OTUD4: variants seen among roughly 807,000 people sequenced by gnomAD.
The protein encoded by OTUD4 is OTU domain-containing protein 4.
OTUD4 carries 24 observed loss-of-function variants against 130.4 expected under a neutral mutation model. The ratio of observed to expected loss-of-function variants is 0.18; its 90% CI spans 0.13 to 0.26. The LOEUF is 0.26. Among genes scored for constraint, OTUD4 ranks in the 10% least tolerant of loss-of-function variants. The probability of loss-of-function intolerance (pLI) is 1.00; values close to 1 mark genes in which losing one functional copy is unlikely to be tolerated. For synonymous variants in OTUD4, 420 were observed against 472.5 expected, an observed-to-expected ratio of 0.89 and a Z score of 1.44; for missense variants, 1,031 against 1,329.4, an observed-to-expected ratio of 0.78 and a Z score of 3.49.
chr4:145,159,020 T>G (rs1165756616), intron 7 of OTUD4: 3 of 261,998 alleles, frequency 1.1e-5, no homozygotes, highest in Non-Finnish European at 1.8e-5. Flanking sequence ...TTCAGACATA[T>G]TTACTCACAA....
intron 1 of OTUD4, among the ~76,000 whole-genome samples, chr4:145,178,919 A>G: frequency 6.6e-6 from 1 of 152,198 alleles, no homozygotes; most frequent in Admixed American, 6.5e-5. Context: ...TCCTAGGTCA[A>G]AGGAAAGCAC....
chr4:145,163,362 T>G (rs933669189), intron 5 of OTUD4, among the ~76,000 whole-genome samples: 1 of 152,204 alleles, frequency 6.6e-6, no homozygotes, highest in African/African-American at 2.4e-5. Context: ...TCTCTTATAA[T>G]AAGTCAGTTG....
At chr4:145,178,921 G>A (rs1302416302) in intron 1 of OTUD4, among the ~76,000 whole-genome samples, 1 of 152,176 alleles carries the variant, frequency 6.6e-6, no homozygotes. Context: ...CTAGGTCAAA[G>A]GAAAGCACAT....
At chr4:145,161,111 AAACAACAAC>A (rs70956827) in intron 6 of OTUD4, among the ~76,000 whole-genome samples, 319 of 150,810 alleles carry the variant, frequency 2.1e-3, no homozygotes, top group Middle Eastern at 6.8e-3. Context: ...CTCCACCTCA[AAACAACAAC>A]AACAACAACA....
At chr4:145,159,394 A>T in intron 7 of OTUD4, 109 bp downstream of exon 7, 2 of 1,576,794 alleles carry the variant, frequency 1.3e-6, no homozygotes, top group Non-Finnish European at 1.7e-6. Flanking sequence ...TATGAATACC[A>T]TTAATACCTC....
intron 13 of OTUD4, 35 bp from the exon 14 acceptor site, chr4:145,146,464 A>G (rs747816197): frequency 9.9e-7 from 1 of 1,005,522 alleles, no homozygotes; most frequent in Non-Finnish European, 1.4e-6. Context: ...GAAAATACAT[A>G]AATAAATAAA....
chr4:145,144,094 T>C (rs1750710817), intron 15 of OTUD4, 93 bp from the exon 16 acceptor site: 2 of 1,161,424 alleles, frequency 1.7e-6, no homozygotes, highest in Admixed American at 3.9e-5. Context: ...AAGCCAAAAG[T>C]ATTATTTGAA....
At chr4:145,140,606 G>A (rs933961698) in intron 19 of OTUD4, among the ~76,000 whole-genome samples, 1 of 152,054 alleles carries the variant, frequency 6.6e-6, no homozygotes, top group African/African-American at 2.4e-5. Context: ...AGCAAACTTT[G>A]AAAGAATTTT....
chr4:145,146,981 C>G (rs1750855589), intron 13 of OTUD4, among the ~76,000 whole-genome samples: 2 of 152,034 alleles, frequency 1.3e-5, no homozygotes, highest in Admixed American at 1.3e-4. Context: ...GGCTGGATAC[C>G]AATTGCATAG....
chr4:145,139,918 A>C, intron 20 of OTUD4, 33 bp downstream of exon 20: 1 of 688,414 alleles, frequency 1.5e-6, no homozygotes, highest in East Asian at 3.4e-5. Flanking sequence ...ATTAATGAAT[A>C]AAATAACTTT....
chr4:145,141,343 T>C (rs1750553562), intron 19 of OTUD4, 36 bp downstream of exon 19: 1 of 1,537,936 alleles, frequency 6.5e-7, no homozygotes, highest in Non-Finnish European at 8.8e-7. Flanking sequence ...TATTTGGACT[T>C]GATAAAGTCG....
chr4:145,161,462 T>C (rs1376526544), intron 6 of OTUD4, among the ~76,000 whole-genome samples: 1 of 152,228 alleles, frequency 6.6e-6, no homozygotes, highest in African/African-American at 2.4e-5. Context: ...AGGAAAAAGC[T>C]GTCACAAGCC....
rs1750128201 is a variant in OTUD4 at position 145,134,119 on chromosome 4, G to T, written c.*3311C>A. The T allele has an allele frequency of 6.6e-6, 1 of 152,548 alleles. No homozygotes were observed. Among genetic ancestry groups the T allele is most frequent in the South Asian group, 2.1e-4 (1 of 4,834 alleles). 9.4% of individuals were successfully genotyped at this position (152,548 alleles called of 1,614,324 possible). A position where few individuals can be genotyped will look rare whatever the true frequency, so the allele number is the denominator to read the frequency against. ...CTAAAACTTGTATTTCGGGGAGAAA[G>T]ACCTCTTTTAAAAAATAATCCCAAT... On this transcript the variant is annotated 3_prime_UTR_variant, in exon 21 of 21. Coordinates refer to ENST00000447906, the MANE Select transcript of OTUD4 (RefSeq NM_001366057.1).
chr4:145,133,838 A>C lies in OTUD4; in HGVS notation c.*3592T>G, dbSNP rs998897640. The C allele has an allele frequency of 1.3e-5, 2 of 152,668 alleles. No individual in the cohort carries two copies. The highest frequency in any genetic ancestry group is 4.8e-5 in the African/African-American group (2 of 41,468). 9.5% of individuals were successfully genotyped at this position (152,668 alleles called of 1,614,324 possible). A position where few individuals can be genotyped will look rare whatever the true frequency, so the allele number is the denominator to read the frequency against. Reference sequence around the variant, plus strand: ...CAAAAAGTGATATGATAAAGAATATAAAGTACTAGTTTCCTTTTAACACTT... The same window carrying C: ...CAAAAAGTGATATGATAAAGAATATCAAGTACTAGTTTCCTTTTAACACTT... On this transcript the variant is annotated 3_prime_UTR_variant, in exon 21 of 21. Transcript: ENST00000447906.
rs898991481 is a variant in OTUD4, at chr4:145,180,571, C to G, written c.-598G>C. On this transcript the variant is annotated 5_prime_UTR_variant, in exon 1 of 21. Transcript: ENST00000447906. ...CCAGAATTTGTTTTCGCTTTCGGCC[C>G]GACAGCGGAGAGGACGGCGGGAGAT... Among the ~76,000 whole-genome samples, 1 of 152,210 alleles carries G rather than the reference C, an allele frequency of 6.6e-6. No individual in the cohort carries two copies. Among genetic ancestry groups the G allele is most frequent in the Non-Finnish European group, 1.5e-5 (1 of 68,020 alleles).
intron 5 of OTUD4, among the ~76,000 whole-genome samples, chr4:145,163,741 T>C (rs1271020812): frequency 6.6e-6 from 1 of 150,434 alleles, no homozygotes; most frequent in East Asian, 2.0e-4. Flanking sequence ...AGGTTCACTC[T>C]TGATCCCCGG....
chr4:145,159,175 G>GT (rs1189280771), intron 7 of OTUD4: 3 of 1,062,294 alleles, frequency 2.8e-6, no homozygotes, highest in African/African-American at 3.4e-5. Context: ...TCATTACTGG[G>GT]TATGTGAACA....
At position 145,162,678 on chromosome 4, in the gene OTUD4, T is replaced by C. The variant is rs1214437218; in HGVS notation, c.458A>G (p.Tyr153Cys). ...FSNGNHYDIV[Y>C]PIKYKESSAM... Reference sequence around the variant, plus strand: ...AGAGCTTTCTTTATACTTTATGGGATACACAATATCATAATGATTTCCATT... The same window carrying C: ...AGAGCTTTCTTTATACTTTATGGGACACACAATATCATAATGATTTCCATT... Residue 153 changes from tyrosine (Y) to cysteine (C), a missense_variant, in exon 6 of 21, where the codon TAT (tyrosine) becomes TGT (cysteine). By Grantham distance (194) the Tyr-to-Cys change is radical. This residue lies in a region of OTUD4 where 77 missense variants were observed against 172.9 expected (regional missense o/e 0.45). Coordinates refer to ENST00000447906, the MANE Select transcript of OTUD4 (RefSeq NM_001366057.1). The C allele has an allele frequency of 6.4e-7, 1 of 1,567,022 alleles. No homozygotes were observed. The highest frequency in any genetic ancestry group is 8.7e-7 in the Non-Finnish European group (1 of 1,147,512).
intron 5 of OTUD4, among the ~76,000 whole-genome samples, chr4:145,163,775 C>T (rs913351863): frequency 6.9e-6 from 1 of 145,792 alleles, no homozygotes; most frequent in Admixed American, 7.0e-5. Flanking sequence ...GGTGTGATCT[C>T]GGCTCACTGC....
Sources: allele counts gnomAD v4.1 joint callset (sites outside exome capture counted in the v4.1 genomes callset), GRCh38; gene constraint gnomAD v4.1.1; regional missense constraint gnomAD v4.1.1; transcripts MANE v1.5; gene names NCBI Gene and HGNC (gene_info 2026-07-23, HGNC 2026-07-21).